RTN4: variants seen among roughly 807,000 people sequenced by gnomAD.
The protein encoded by RTN4 is reticulon 4, also known as reticulon-4.
A neutral mutation model predicts 90.4 loss-of-function variants in RTN4; 32 were observed. The observed-to-expected ratio is 0.35, with a 90% CI of 0.27 to 0.48. The LOEUF (loss-of-function observed/expected upper bound fraction) is 0.48. RTN4 is among the 20% of genes least tolerant of loss of function. The pLI, the probability that RTN4 is intolerant of heterozygous loss-of-function variation, is 0.99. For missense variants in RTN4, 1,706 were observed against 1,430.2 expected (o/e 1.19, Z -3.11); for synonymous variants, 629 against 552.5 (o/e 1.14, Z -1.94).
intron 5 of RTN4, among the ~76,000 whole-genome samples, chr2:54,975,769 T>C (rs1441749846): frequency 2.0e-5 from 3 of 152,238 alleles, no homozygotes; most frequent in African/African-American, 7.2e-5. Context: ...GTAAGCATAT[T>C]TATTACAGCT....
chr2:54,989,668 G>A (rs1383970336), intron 3 of RTN4, among the ~76,000 whole-genome samples: 6 of 152,042 alleles, frequency 3.9e-5, no homozygotes. Flanking sequence ...TACAATTCTA[G>A]GAAAGATAAG....
chr2:55,076,072 A>T (rs1306326705), intron 2 of RTN4, among the ~76,000 whole-genome samples: 1 of 152,156 alleles, frequency 6.6e-6, no homozygotes, highest in Non-Finnish European at 1.5e-5. Flanking sequence ...CAAAAAGATA[A>T]ATAGATGGGA....
intron 4 of RTN4, among the ~76,000 whole-genome samples, chr2:54,984,695 C>CA (rs1410284522): frequency 6.6e-6 from 1 of 152,220 alleles, no homozygotes; most frequent in Non-Finnish European, 1.5e-5. Flanking sequence ...ATACAAACCA[C>CA]ATAATATCAC....
At position 54,973,775 on chromosome 2, in the gene RTN4, AGAGT is replaced by A. The variant is rs771624215; in HGVS notation, c.3477+42_3477+45del. Reference sequence around the variant, plus strand: ...AATACATCCGTAAATCCCATGTAATAGAGTGAGTGCTCTATTCTGAAGTCAGCAG... The same window carrying A: ...AATACATCCGTAAATCCCATGTAATAGAGTGCTCTATTCTGAAGTCAGCAG... On this transcript the variant is annotated intron_variant, in intron 7 of 8. Coordinates refer to ENST00000337526, the MANE Select transcript of RTN4 (RefSeq NM_020532.5). 4.4e-6 allele frequency: 7 copies of A among 1,575,324 alleles called. No individual in the cohort carries two copies. The East Asian group carries it at 9.0e-5, about 20-fold the overall frequency.
intron 1 of RTN4, among the ~76,000 whole-genome samples, chr2:55,095,674 G>A (rs866873987): frequency 1.4e-4 from 22 of 152,072 alleles, no homozygotes; most frequent in African/African-American, 5.3e-4. Flanking sequence ...AAATAGCTGG[G>A]ACTATAGGCA....
intron 3 of RTN4, among the ~76,000 whole-genome samples, chr2:54,995,677 C>A (rs965783256): frequency 2.0e-5 from 3 of 152,068 alleles, no homozygotes; most frequent in African/African-American, 7.2e-5. Flanking sequence ...AGGAACCAAC[C>A]CTGGACAGGA....
At chr2:55,094,634 T>G (rs764605368) in intron 1 of RTN4, among the ~76,000 whole-genome samples, 5 of 152,062 alleles carry the variant, frequency 3.3e-5, no homozygotes, top group Non-Finnish European at 7.4e-5. Context: ...GTGGAGTGAC[T>G]GGGGAGGGGC....
At chr2:54,997,850 T>C (rs959606812) in intron 3 of RTN4, among the ~76,000 whole-genome samples, 22 of 152,214 alleles carry the variant, frequency 1.4e-4, no homozygotes, top group African/African-American at 5.3e-4. Flanking sequence ...TCTTTCATTG[T>C]TAAAGTTGTT....
chr2:55,073,648 T>G (rs1668552112), intron 2 of RTN4, among the ~76,000 whole-genome samples: 1 of 152,232 alleles, frequency 6.6e-6, no homozygotes, highest in Non-Finnish European at 1.5e-5. Context: ...AGGAGCCACT[T>G]TAAAATACAA....
intron 3 of RTN4, among the ~76,000 whole-genome samples, chr2:55,016,593 C>CA (rs1681060020): frequency 6.6e-6 from 1 of 151,966 alleles, no homozygotes; most frequent in Non-Finnish European, 1.5e-5. Flanking sequence ...CAAACAAAAA[C>CA]AAAAACAAAA....
At chr2:55,003,083 C>T (rs7562292) in intron 3 of RTN4, among the ~76,000 whole-genome samples, 100,239 of 151,998 alleles carry the variant, frequency 0.66, 33,940 homozygotes, top group African/African-American at 0.83. Flanking sequence ...CATACTGTCC[C>T]GTAACTCTAG....
Position 55,026,364 on chromosome 2 carries a change from A to C in RTN4, c.1735T>G (p.Leu579Val). The C allele has an allele frequency of 6.2e-7, 1 of 1,613,972 alleles. No individual in the cohort carries two copies. The highest frequency in any genetic ancestry group is 1.1e-5 in the South Asian group (1 of 91,082). ...TGCATAACTTCTGATGTTTGAACCA[A>C]GTCCATTTTTGTTTCATAAGCAATC... is the stretch of plus-strand genomic sequence containing the variant. ...TKIAYETKMD[L>V]VQTSEVMQES... is the part of the protein sequence containing the mutation. The change falls in exon 3 of 9, where the codon TTG becomes GTG. Residue 579 changes from leucine to valine, a missense_variant. By Grantham distance (32) the Leu-to-Val change is conservative. Coordinates refer to ENST00000337526, the MANE Select transcript of RTN4 (RefSeq NM_020532.5).
chr2:55,065,755 A>T (rs1186813657), intron 2 of RTN4, among the ~76,000 whole-genome samples: 1 of 3,142 alleles, frequency 3.2e-4, no homozygotes. Flanking sequence ...GCTAGATAAT[A>T]AAAAAAAAAC....
intron 1 of RTN4, among the ~76,000 whole-genome samples, chr2:55,087,218 G>C (rs1668857039): frequency 6.6e-6 from 1 of 152,144 alleles, no homozygotes; most frequent in Non-Finnish European, 1.5e-5. Flanking sequence ...ATGTGTTTCT[G>C]TTCAGTATAT....
rs181969290 is a variant in RTN4, at chr2:55,107,841, G to C, written c.-214+4679C>G. Among the ~76,000 whole-genome samples, 477 of 152,178 alleles carry C rather than the reference G, an allele frequency of 3.1e-3. 7 individuals are homozygous for C. Among genetic ancestry groups the C allele is most frequent in the African/African-American group, 0.011 (458 of 41,488 alleles). ...TTGTGAATAGTTCTGCATGACTCTG[G>C]AAAGCCTGTATGTGGTATAGATAAA... On this transcript the variant is annotated intron_variant, in intron 1 of 3. Transcript: ENST00000427710.
At chr2:55,097,167 G>A (rs1247158458) in intron 1 of RTN4, among the ~76,000 whole-genome samples, 2 of 151,856 alleles carry the variant, frequency 1.3e-5, no homozygotes, top group East Asian at 3.9e-4. Context: ...ATTTAATATG[G>A]AAGTATTTGC....
upstream of RTN4, among the ~76,000 whole-genome samples, chr2:55,116,271 A>G (rs912446859): frequency 2.0e-5 from 3 of 152,202 alleles, no homozygotes; most frequent in Admixed American, 6.5e-5. Flanking sequence ...CCAGCAGCTG[A>G]TAAGACTCTG....
At chr2:55,081,739 T>G (rs1668722929) in intron 1 of RTN4, among the ~76,000 whole-genome samples, 1 of 151,928 alleles carries the variant, frequency 6.6e-6, no homozygotes, top group Non-Finnish European at 1.5e-5. Context: ...AGTGCATGCC[T>G]GTGATCCCAG....
chr2:54,989,034 A>G (rs1355142298), intron 3 of RTN4, among the ~76,000 whole-genome samples: 1 of 152,218 alleles, frequency 6.6e-6, no homozygotes, highest in Non-Finnish European at 1.5e-5. Flanking sequence ...AAGAAAAATC[A>G]CAGTTTTAGG....
Sources: allele counts gnomAD v4.1 joint callset (sites outside exome capture counted in the v4.1 genomes callset), GRCh38; gene constraint gnomAD v4.1.1; transcripts MANE v1.5; gene names NCBI Gene and HGNC (gene_info 2026-07-23, HGNC 2026-07-21).